Variants in GMDS observed in about 807,000 individuals in gnomAD.
GMDS encodes GDP-mannose 4,6 dehydratase.
GMDS carries 20 observed loss-of-function variants against 49.9 expected under a neutral mutation model. That is an observed-to-expected ratio of 0.40 (90% CI 0.28 to 0.58). GMDS has a LOEUF of 0.58. Among genes scored for constraint, GMDS ranks in the 20% least tolerant of loss-of-function variants. The probability of loss-of-function intolerance (pLI) is 0.42; values close to 1 mark genes in which losing one functional copy is unlikely to be tolerated. For synonymous variants in GMDS, 177 were observed against 178.6 expected (o/e 0.99, Z 0.07); for missense variants, 362 against 481.4 (o/e 0.75, Z 2.32).
intron 7 of GMDS, among the ~76,000 whole-genome samples, chr6:1,902,143 T>G (rs1030235538): frequency 1.3e-4 from 20 of 152,250 alleles, no homozygotes; most frequent in Non-Finnish European, 1.5e-5. Context: ...GAATTAAGTA[T>G]GCAAGAGTAT....
chr6:1,791,773 C>G (rs1428217118), intron 7 of GMDS, among the ~76,000 whole-genome samples: 1 of 152,066 alleles, frequency 6.6e-6, no homozygotes, highest in African/African-American at 2.4e-5. Flanking sequence ...TATTTTTAAA[C>G]TTTACTACTG....
intron 8 of GMDS, among the ~76,000 whole-genome samples, chr6:1,728,910 T>C (rs573326070): frequency 6.6e-6 from 1 of 151,364 alleles, no homozygotes; most frequent in East Asian, 1.9e-4. Flanking sequence ...AACCACGCTT[T>C]AAGACTGTAA....
Position 1,914,146 on chromosome 6 carries a change from T to G in GMDS, c.771+15957A>C, listed in dbSNP as rs1197277173. 8.9e-3 allele frequency among the ~76,000 whole-genome samples: 1,310 copies of G among 147,718 alleles called. 32 individuals are homozygous for G. Among genetic ancestry groups the G allele is most frequent in the African/African-American group, 0.029 (1,183 of 40,228 alleles). On this transcript the variant is annotated intron_variant, in intron 7 of 10. Transcript: ENST00000380815. ...TTTTTTGTTTGTTTTTTTTTTTTTT[T>G]TTTTTTTTTTTAATTAAGAGAACTT...
At position 1,746,748 on chromosome 6, in the gene GMDS, C is replaced by T. The variant is rs544817261; in HGVS notation, c.772-4162G>A. On this transcript the variant is annotated intron_variant, in intron 7 of 10. Coordinates refer to ENST00000380815, the MANE Select transcript of GMDS (RefSeq NM_001500.4). ...ACAGAATCTTGCTCTGTCGCCCAGGCTGGAGTACAGTGGCACAATCTCGGC... is the reference window on the plus strand; with the variant it reads ...ACAGAATCTTGCTCTGTCGCCCAGGTTGGAGTACAGTGGCACAATCTCGGC... Among the ~76,000 whole-genome samples, 3 of 152,180 alleles carry T rather than the reference C, an allele frequency of 2.0e-5. No individual in the cohort carries two copies. In the East Asian group the frequency reaches 5.8e-4, roughly 29 times the overall value.
intron 9 of GMDS, among the ~76,000 whole-genome samples, chr6:1,684,175 G>A (rs1424367085): frequency 6.6e-6 from 1 of 152,114 alleles, no homozygotes; most frequent in Admixed American, 6.5e-5. Flanking sequence ...CAGAAGTAGT[G>A]ACTTCACCGT....
chr6:1,953,595 A>G (rs1372796585), intron 6 of GMDS, among the ~76,000 whole-genome samples: 1 of 152,238 alleles, frequency 6.6e-6, no homozygotes. Context: ...AAGAATTAAG[A>G]CATAATTAGC....
chr6:2,123,457 A>T (rs966754138), intron 2 of GMDS, among the ~76,000 whole-genome samples: 1 of 152,184 alleles, frequency 6.6e-6, no homozygotes, highest in African/African-American at 2.4e-5. Context: ...AACATCACTA[A>T]TTCCTCTCTA....
intron 9 of GMDS, among the ~76,000 whole-genome samples, chr6:1,686,958 C>T (rs1764997185): frequency 6.6e-6 from 1 of 152,166 alleles, no homozygotes; most frequent in Non-Finnish European, 1.5e-5. Context: ...CCAGCAGCGC[C>T]ATCTGTTGAA....
intron 1 of GMDS, among the ~76,000 whole-genome samples, chr6:2,231,660 T>C (rs1781116895): frequency 6.6e-6 from 1 of 152,180 alleles, no homozygotes. Context: ...CAAGCACCTT[T>C]TATGGTGCTC....
chr6:2,111,124 G>A (rs1348197356), intron 4 of GMDS, among the ~76,000 whole-genome samples: 1 of 152,172 alleles, frequency 6.6e-6, no homozygotes, highest in Admixed American at 6.5e-5. Context: ...CATGGGGGAC[G>A]AATCGAAAAT....
At position 1,737,759 on chromosome 6, in the gene GMDS, CACACCA is replaced by C. The variant is rs1236800038; in HGVS notation, c.890+4703_890+4708del. On this transcript the variant is annotated intron_variant, in intron 8 of 10. Coordinates refer to ENST00000380815, the MANE Select transcript of GMDS (RefSeq NM_001500.4). ...ACACACATACACATACACATACACA[CACACCA>C]CACACACAGATACACATACATACAC... 3.9e-4 allele frequency among the ~76,000 whole-genome samples: 57 copies of C among 145,430 alleles called. 1 individual carries two copies. Among genetic ancestry groups the C allele is most frequent in the African/African-American group, 4.3e-4 (17 of 39,820 alleles).
intron 9 of GMDS, among the ~76,000 whole-genome samples, chr6:1,645,125 G>A (rs768788219): frequency 2.0e-5 from 3 of 151,848 alleles, no homozygotes; most frequent in South Asian, 2.1e-4. Flanking sequence ...TAGTAGAGAC[G>A]GCGTTTCACC....
intron 9 of GMDS, among the ~76,000 whole-genome samples, chr6:1,644,169 G>A (rs1386410704): frequency 6.6e-6 from 1 of 152,238 alleles, no homozygotes; most frequent in East Asian, 1.9e-4. Context: ...ACCAGTATGA[G>A]GATCCACTCT....
intron 7 of GMDS, among the ~76,000 whole-genome samples, chr6:1,788,939 C>T (rs1419214646): frequency 1.3e-5 from 2 of 152,248 alleles, no homozygotes; most frequent in African/African-American, 2.4e-5. Context: ...ACAGCCCTCA[C>T]TTCGGGCACC....
At chr6:2,182,863 TGC>T (rs1778615679) in intron 1 of GMDS, among the ~76,000 whole-genome samples, 1 of 152,150 alleles carries the variant, frequency 6.6e-6, no homozygotes, top group African/African-American at 2.4e-5. Flanking sequence ...TGCATCACCA[TGC>T]CAGGCTAATT....
intron 7 of GMDS, among the ~76,000 whole-genome samples, chr6:1,890,394 T>C (rs1759815853): frequency 6.6e-6 from 1 of 152,234 alleles, no homozygotes; most frequent in African/African-American, 2.4e-5. Context: ...GAAATGTCTA[T>C]TTAAGTCTTG....
At chr6:1,774,096 C>T (rs1264896068) in intron 7 of GMDS, among the ~76,000 whole-genome samples, 2 of 152,132 alleles carry the variant, frequency 1.3e-5, no homozygotes, top group African/African-American at 4.8e-5. Flanking sequence ...TAAAAAATTC[C>T]CAAAGAGTGC....
At chr6:1,808,908 G>GTA (rs1225736508) in intron 7 of GMDS, among the ~76,000 whole-genome samples, 1 of 148,326 alleles carries the variant, frequency 6.7e-6, no homozygotes, top group Non-Finnish European at 1.5e-5. Flanking sequence ...CTCTCTCTGT[G>GTA]TGTGTGTGTG....
At chr6:1,850,518 C>T (rs1486978245) in intron 7 of GMDS, among the ~76,000 whole-genome samples, 1 of 152,042 alleles carries the variant, frequency 6.6e-6, no homozygotes, top group Non-Finnish European at 1.5e-5. Context: ...GTTAATTTTG[C>T]CTTTGGGTAA....
Sources: gnomAD v4.1 joint callset for allele counts (sites outside exome capture counted in the v4.1 genomes callset) on GRCh38, gnomAD v4.1.1 for gene constraint, MANE v1.5 for transcripts, NCBI Gene and HGNC (gene_info 2026-07-23, HGNC 2026-07-21) for gene names.